Variants in DAB1 observed in about 807,000 individuals in gnomAD.
DAB1 encodes the protein disabled homolog 1.
Under a neutral mutation model 64.6 loss-of-function variants are expected in DAB1, and 15 were observed. The ratio of observed to expected loss-of-function variants is 0.23; its 90% CI spans 0.16 to 0.36. The LOEUF is 0.36. Ranked by LOEUF, DAB1 falls within the 10% of genes least tolerant of loss-of-function variation. The pLI is 1.00. For missense variants in DAB1, 596 were observed against 706.7 expected (o/e 0.84, Z 1.78); for synonymous variants, 235 against 251.9 (o/e 0.93, Z 0.64).
chr1:57,540,602 A>C (rs915910002), intron 7 of DAB1, among the ~76,000 whole-genome samples: 1 of 152,230 alleles, frequency 6.6e-6, no homozygotes, highest in African/African-American at 2.4e-5. Flanking sequence ...ACAAAGTGGA[A>C]TACTACTTGG....
At chr1:57,608,470 A>G (rs1341968111) in intron 7 of DAB1, among the ~76,000 whole-genome samples, 1 of 152,186 alleles carries the variant, frequency 6.6e-6, no homozygotes, top group East Asian at 1.9e-4. Flanking sequence ...AAGAATTTCC[A>G]GTAAAGCTTT....
chr1:57,267,241 G>A (rs2100577091), intron 2 of DAB1, among the ~76,000 whole-genome samples: 1 of 152,070 alleles, frequency 6.6e-6, no homozygotes, highest in South Asian at 2.1e-4. Context: ...AGAGCAGGAA[G>A]AGGCAGAGAG....
At chr1:58,053,112 G>C (rs7543602) in intron 5 of DAB1, among the ~76,000 whole-genome samples, 1 of 151,906 alleles carries the variant, frequency 6.6e-6, no homozygotes, top group East Asian at 1.9e-4. Context: ...CTATTCATGA[G>C]GGATCCACCC....
intron 5 of DAB1, among the ~76,000 whole-genome samples, chr1:58,066,551 C>T (rs369754734): frequency 1.3e-5 from 2 of 152,250 alleles, no homozygotes; most frequent in Admixed American, 6.5e-5. Context: ...AATCTCACAA[C>T]CATACGAAGT....
intron 5 of DAB1, among the ~76,000 whole-genome samples, chr1:58,006,963 G>A (rs566214815): frequency 1.1e-3 from 172 of 152,182 alleles, no homozygotes; most frequent in African/African-American, 3.6e-3. Context: ...GAGATGCACC[G>A]TACAGATGTT....
At chr1:57,767,403 T>C (rs1359041763) in intron 6 of DAB1, among the ~76,000 whole-genome samples, 2 of 152,174 alleles carry the variant, frequency 1.3e-5, no homozygotes, top group Non-Finnish European at 2.9e-5. Context: ...AATATGTATT[T>C]CTTATGCTAC....
At chr1:57,436,108 G>T (rs939854151) in intron 7 of DAB1, among the ~76,000 whole-genome samples, 13 of 151,824 alleles carry the variant, frequency 8.6e-5, no homozygotes, top group African/African-American at 2.9e-4. Context: ...GTAGAGACGG[G>T]GTTGCACCGT....
intron 7 of DAB1, among the ~76,000 whole-genome samples, chr1:57,601,008 G>T (rs958478571): frequency 1.3e-5 from 2 of 152,076 alleles, no homozygotes; most frequent in African/African-American, 4.8e-5. Flanking sequence ...TAATTAAAAA[G>T]AGAGTTTTTT....
intron 1 of DAB1, chr1:57,878,407 T>C (rs918909114): frequency 2.0e-4 from 30 of 152,316 alleles, no homozygotes; most frequent in African/African-American, 6.7e-4. Context: ...CATTCTACAC[T>C]GGAAGAGCAT....
intron 5 of DAB1, among the ~76,000 whole-genome samples, chr1:57,894,102 C>T (rs1225648103): frequency 6.6e-6 from 1 of 152,140 alleles, no homozygotes; most frequent in South Asian, 2.1e-4. Context: ...GGACACCTGT[C>T]CCCGGAAGTA....
intron 5 of DAB1, among the ~76,000 whole-genome samples, chr1:58,051,316 G>C (rs147879180): frequency 6.6e-6 from 1 of 151,644 alleles, no homozygotes; most frequent in Non-Finnish European, 1.5e-5. Context: ...TTCTGTCCTT[G>C]TGATAGTTTG....
intron 7 of DAB1, among the ~76,000 whole-genome samples, chr1:57,522,052 G>T (rs563163172): frequency 1.3e-5 from 2 of 152,194 alleles, no homozygotes; most frequent in South Asian, 4.1e-4. Context: ...GGAGGTTGCA[G>T]TGAGCTGAGA....
chr1:57,738,129 C>T (rs1373721459), intron 6 of DAB1, among the ~76,000 whole-genome samples: 1 of 152,158 alleles, frequency 6.6e-6, no homozygotes, highest in Non-Finnish European at 1.5e-5. Flanking sequence ...AAATCCTGGC[C>T]CTATCCTATT....
chr1:57,362,784 A>T (rs952544378), intron 1 of DAB1, among the ~76,000 whole-genome samples: 5 of 152,128 alleles, frequency 3.3e-5, no homozygotes, highest in Admixed American at 6.6e-5. Context: ...CAGCCCCAAT[A>T]GATTAAGACA....
Position 57,507,687 on chromosome 1 carries a change from C to T in DAB1, n.625+141905G>A, listed in dbSNP as rs115423227. Among the ~76,000 whole-genome samples the T allele has an allele frequency of 3.3e-3, 506 of 152,296 alleles. 8 individuals are homozygous for T. The highest frequency in any genetic ancestry group is 0.012 in the African/African-American group (485 of 41,574). ...TCTTCTGTCTTTTAGGTTGCACTTTCTCCTAGGAAGCCTCCACAGTTCCTT... is the reference window on the plus strand; with the variant it reads ...TCTTCTGTCTTTTAGGTTGCACTTTTTCCTAGGAAGCCTCCACAGTTCCTT... On this transcript the variant is annotated intron_variant and non_coding_transcript_variant, in intron 7 of 20. Transcript: ENST00000485760.
intron 2 of DAB1, among the ~76,000 whole-genome samples, chr1:57,226,618 TG>T (rs1667270288): frequency 6.8e-6 from 1 of 146,612 alleles, no homozygotes; most frequent in Admixed American, 6.9e-5. Context: ...AAAACAAGAG[TG>T]AGCCCTTCAA....
At chr1:57,023,303 T>A (rs1309882973) in intron 11 of DAB1, among the ~76,000 whole-genome samples, 1 of 152,184 alleles carries the variant, frequency 6.6e-6, no homozygotes, top group Admixed American at 6.5e-5. Context: ...TAACATAGAA[T>A]CTTGAGCTGT....
rs150105749 is a variant in DAB1 at position 57,287,457 on chromosome 1, T to C, written c.67+3507A>G. On this transcript the variant is annotated intron_variant, in intron 2 of 14. Transcript: ENST00000371236. ...AGGAACGAGATAAGGACATTTATTA[T>C]CACTAAATATTATAATGACAGATCC... Among the ~76,000 whole-genome samples, 185 of 152,304 alleles carry C rather than the reference T, an allele frequency of 1.2e-3. 1 individual carries two copies. The highest frequency in any genetic ancestry group is 4.3e-3 in the African/African-American group (178 of 41,566).
chr1:57,962,698 C>A (rs983474076), intron 5 of DAB1, among the ~76,000 whole-genome samples: 4 of 150,586 alleles, frequency 2.7e-5, no homozygotes, highest in Non-Finnish European at 4.4e-5. Flanking sequence ...ATAATCTCTA[C>A]AATTTTTTTT....
Sources: allele counts gnomAD v4.1 joint callset (sites outside exome capture counted in the v4.1 genomes callset), GRCh38; gene constraint gnomAD v4.1.1; transcripts MANE v1.5; gene names NCBI Gene and HGNC (gene_info 2026-07-23, HGNC 2026-07-21).